LRFN5: variants seen among roughly 807,000 people sequenced by gnomAD.
The protein encoded by LRFN5 is leucine rich repeat and fibronectin type III domain containing 5.
A neutral mutation model predicts 45.6 loss-of-function variants in LRFN5; 24 were observed. The observed-to-expected ratio is 0.53, with a 90% CI of 0.38 to 0.74. The LOEUF is 0.74. Among genes scored for constraint, LRFN5 ranks in the 30% least tolerant of loss-of-function variants. The probability of loss-of-function intolerance (pLI) is 0.00; values close to 1 mark genes in which losing one functional copy is unlikely to be tolerated. For missense variants in LRFN5, 776 were observed against 861.5 expected (o/e 0.90, Z 1.24); for synonymous variants, 340 against 313.8 (o/e 1.08, Z -0.88).
At chr14:41,879,168 T>C (rs1206095594) in intron 2 of LRFN5, among the ~76,000 whole-genome samples, 1 of 152,094 alleles carries the variant, frequency 6.6e-6, no homozygotes, top group Non-Finnish European at 1.5e-5. Context: ...AATCAAGCTA[T>C]GAAATAGGAA....
At chr14:41,788,914 T>C (rs376232967) in intron 2 of LRFN5, among the ~76,000 whole-genome samples, 1 of 152,046 alleles carries the variant, frequency 6.6e-6, no homozygotes, top group South Asian at 2.1e-4. Context: ...AAAGTGGAAT[T>C]ACAGAAGTCT....
At chr14:41,617,941 A>G (rs766622209) in intron 1 of LRFN5, among the ~76,000 whole-genome samples, 1 of 152,106 alleles carries the variant, frequency 6.6e-6, no homozygotes, top group Non-Finnish European at 1.5e-5. Flanking sequence ...ATCATGTTCT[A>G]CCTTCTACTC....
At chr14:41,840,078 G>T (rs1185589325) in intron 2 of LRFN5, among the ~76,000 whole-genome samples, 1 of 152,058 alleles carries the variant, frequency 6.6e-6, no homozygotes, top group Admixed American at 6.6e-5. Flanking sequence ...ACTGTGGAAG[G>T]CAACTTGGAA....
chr14:41,763,660 T>C lies in LRFN5; in HGVS notation c.-196-3194T>C, dbSNP rs117569594. Among the ~76,000 whole-genome samples the C allele has an allele frequency of 9.6e-3, 1,459 of 152,214 alleles. 10 individuals carry two copies. The highest frequency in any genetic ancestry group is 0.014 in the Non-Finnish European group (930 of 68,014). ...GAATAAGTCTCATAAGATGTAATGATTTTATAAAGGGGAGTTCCCCTGCAT... is the reference window on the plus strand; with the variant it reads ...GAATAAGTCTCATAAGATGTAATGACTTTATAAAGGGGAGTTCCCCTGCAT... On this transcript the variant is annotated intron_variant, in intron 1 of 5. Transcript: ENST00000298119.
intron 1 of LRFN5, among the ~76,000 whole-genome samples, chr14:41,625,659 G>A (rs1243663034): frequency 1.3e-5 from 2 of 152,026 alleles, no homozygotes; most frequent in Non-Finnish European, 2.9e-5. Context: ...ATAGCAAATA[G>A]CATATACTGA....
chr14:41,606,975 G>A lies in LRFN5; in HGVS notation c.-1784G>A, dbSNP rs1887506398. On this transcript the variant is annotated 5_prime_UTR_variant, in exon 1 of 6. Transcript: ENST00000298119. ...CGACGCTTTGGGAAGCCCAGCTCCC[G>A]GGTCCGCCCCGGCCGCGGCCGCAGC... Among the ~76,000 whole-genome samples, 1 of 151,974 alleles carries A rather than the reference G, an allele frequency of 6.6e-6. No individual in the cohort carries two copies. Among genetic ancestry groups the A allele is most frequent in the African/African-American group, 2.4e-5 (1 of 41,430 alleles).
intron 1 of LRFN5, among the ~76,000 whole-genome samples, chr14:41,765,357 A>G (rs1237024826): frequency 3.9e-4 from 11 of 28,166 alleles, no homozygotes; most frequent in African/African-American, 1.4e-3. Context: ...AAAAGGAGGA[A>G]AAAAAAAAAA....
chr14:41,791,876 T>C (rs1342242167), intron 2 of LRFN5, among the ~76,000 whole-genome samples: 1 of 152,122 alleles, frequency 6.6e-6, no homozygotes, highest in Admixed American at 6.6e-5. Context: ...AAGTAATTAC[T>C]GTGGAGTCTT....
chr14:41,731,166 G>T (rs1405027661), intron 1 of LRFN5, among the ~76,000 whole-genome samples: 1 of 152,078 alleles, frequency 6.6e-6, no homozygotes, highest in East Asian at 1.9e-4. Context: ...CACACCAACT[G>T]TAGGTCTTCG....
intron 1 of LRFN5, among the ~76,000 whole-genome samples, chr14:41,627,664 A>C (rs545586977): frequency 6.6e-6 from 1 of 152,154 alleles, no homozygotes; most frequent in Non-Finnish European, 1.5e-5. Flanking sequence ...AATCGACAAC[A>C]TGGTCGAATA....
chr14:41,856,921 C>T (rs566428135), intron 2 of LRFN5, among the ~76,000 whole-genome samples: 13 of 151,012 alleles, frequency 8.6e-5, no homozygotes, highest in Non-Finnish European at 1.3e-4. Flanking sequence ...GCCTCGGCCT[C>T]CCAAAGTGCT....
At chr14:41,674,655 A>G (rs1456718343) in intron 1 of LRFN5, among the ~76,000 whole-genome samples, 1 of 141,530 alleles carries the variant, frequency 7.1e-6, no homozygotes, top group Non-Finnish European at 1.5e-5. Context: ...TGGGGGGCTG[A>G]TCCCCCCACC....
intron 3 of LRFN5, among the ~76,000 whole-genome samples, chr14:41,890,066 A>G (rs1261229210): frequency 1.3e-5 from 2 of 152,022 alleles, no homozygotes; most frequent in African/African-American, 4.8e-5. Flanking sequence ...GTTTCACCGT[A>G]TCGGTCAGGC....
intron 1 of LRFN5, among the ~76,000 whole-genome samples, chr14:41,628,313 G>T (rs970427861): frequency 6.6e-6 from 1 of 152,018 alleles, no homozygotes; most frequent in African/African-American, 2.4e-5. Flanking sequence ...TTTTTCTCTT[G>T]TCAGGTTTTG....
rs1224443772 is a variant in LRFN5 at position 41,814,072 on chromosome 14, G to A, written c.-21+47043G>A. ...GATTCTGCATATTAGCCCTTTGTCA[G>A]ATGGACAGATTGCAAAATTTTTCTT... On this transcript the variant is annotated intron_variant, in intron 2 of 5. Coordinates refer to ENST00000298119, the MANE Select transcript of LRFN5 (RefSeq NM_152447.5). 2.8e-5 allele frequency among the ~76,000 whole-genome samples: 4 copies of A among 143,226 alleles called. 1 individual carries two copies. The East Asian group carries it at 9.5e-4, about 34-fold the overall frequency. The allele number at this position is 143,226 out of a possible 152,430, so 94.0% of individuals were successfully genotyped here.
At chr14:41,674,068 C>CG (rs529558418) in intron 1 of LRFN5, among the ~76,000 whole-genome samples, 677 of 144,526 alleles carry the variant, frequency 4.7e-3, no homozygotes, top group East Asian at 7.5e-3. Flanking sequence ...GCTGGCTGGG[C>CG]GGGGGGCTGA....
At position 41,904,134 on chromosome 14, in the gene LRFN5, CTTTTTCT is replaced by C; in HGVS notation, c.2143-19_2143-13del. The C allele has an allele frequency of 6.4e-7, 1 of 1,553,086 alleles. No individual in the cohort carries two copies. Among genetic ancestry groups the C allele is most frequent in the Non-Finnish European group, 8.8e-7 (1 of 1,140,568 alleles). ...CTTTCTTCCTTTCTTTCTTTTTTTCCTTTTTCTTTTTCTTTCATTTCAGAGGCTGGAG... is the reference window on the plus strand; with the variant it reads ...CTTTCTTCCTTTCTTTCTTTTTTTCCTTTTCTTTCATTTCAGAGGCTGGAG... On this transcript the variant is annotated splice_polypyrimidine_tract_variant and intron_variant, in intron 5 of 5. Coordinates refer to ENST00000298119, the MANE Select transcript of LRFN5 (RefSeq NM_152447.5).
At chr14:41,623,984 T>C (rs1888231640) in intron 1 of LRFN5, among the ~76,000 whole-genome samples, 1 of 152,082 alleles carries the variant, frequency 6.6e-6, no homozygotes, top group South Asian at 2.1e-4. Context: ...TGTTCCTGTT[T>C]CCTATAGTGT....
chr14:41,864,184 C>A (rs1889764390), intron 2 of LRFN5, among the ~76,000 whole-genome samples: 1 of 152,126 alleles, frequency 6.6e-6, no homozygotes, highest in African/African-American at 2.4e-5. Flanking sequence ...TTGGGTATAA[C>A]CCAGTAATGG....
Sources: allele counts gnomAD v4.1 joint callset (sites outside exome capture counted in the v4.1 genomes callset), GRCh38; gene constraint gnomAD v4.1.1; transcripts MANE v1.5; gene names NCBI Gene and HGNC (gene_info 2026-07-23, HGNC 2026-07-21).